The following DPYD variants were observed in gnomAD, a reference collection of about 807,000 sequenced individuals.
DPYD encodes the protein dihydropyrimidine dehydrogenase [NADP(+)].
In DPYD, 109 loss-of-function variants were observed where a neutral mutation model predicts 116.2. The observed-to-expected ratio is 0.94, with a 90% confidence interval of 0.80 to 1.10. The LOEUF (loss-of-function observed/expected upper bound fraction) is 1.10, where lower values mean the gene tolerates loss of function less well. DPYD is among the 50% of genes least tolerant of loss of function. The pLI, the probability that DPYD is intolerant of heterozygous loss-of-function variation, is 0.00. For synonymous variants in DPYD, 440 were observed against 432.0 expected, an observed-to-expected ratio of 1.02 and a Z score of -0.23; for missense variants, 1,302 against 1,254.5, an observed-to-expected ratio of 1.04 and a Z score of -0.57.
intron 1 of DPYD, among the ~76,000 whole-genome samples, chr1:97,904,851 T>C (rs1673528310): frequency 6.6e-6 from 1 of 151,990 alleles, no homozygotes; most frequent in Non-Finnish European, 1.5e-5. Flanking sequence ...CTGAAAGTTA[T>C]TACTCCCTTA....
chr1:97,487,215 A>G (rs1302882389), intron 13 of DPYD, among the ~76,000 whole-genome samples: 1 of 152,198 alleles, frequency 6.6e-6, no homozygotes, highest in African/African-American at 2.4e-5. Context: ...GGAAACAAAG[A>G]CAAAGAAATA....
At chr1:97,764,932 TTAAG>T (rs1273522044) in intron 3 of DPYD, among the ~76,000 whole-genome samples, 4 of 152,302 alleles carry the variant, frequency 2.6e-5, no homozygotes, top group South Asian at 2.1e-4. Context: ...ATGTTATAGT[TTAAG>T]TATACTTTGA....
At chr1:97,815,083 AAGAAAAGAGAAGAGAAG>A (rs140717286) in intron 3 of DPYD, among the ~76,000 whole-genome samples, 113,537 of 149,578 alleles carry the variant, frequency 0.76, 43,359 homozygotes, top group East Asian at 0.92. Context: ...AAAGAGAAGA[AAGAAAAGAGAAGAGAAG>A]AGAAAAGAGA....
chr1:97,861,535 A>G (rs954141346), intron 2 of DPYD, among the ~76,000 whole-genome samples: 2 of 152,006 alleles, frequency 1.3e-5, no homozygotes, highest in African/African-American at 2.4e-5. Context: ...TAAAAATTAT[A>G]TAATTTGTTA....
At chr1:97,376,301 CAT>C (rs1307911912) in intron 15 of DPYD, among the ~76,000 whole-genome samples, 1 of 152,148 alleles carries the variant, frequency 6.6e-6, no homozygotes, top group Non-Finnish European at 1.5e-5. Context: ...TTACGAAAAA[CAT>C]AACAGCTCAA....
chr1:97,334,108 T>C (rs940451413), intron 16 of DPYD, among the ~76,000 whole-genome samples: 1 of 152,172 alleles, frequency 6.6e-6, no homozygotes, highest in African/African-American at 2.4e-5. Flanking sequence ...TTATATATTA[T>C]AATGATACTT....
chr1:97,139,638 A>C (rs970125235), intron 20 of DPYD, among the ~76,000 whole-genome samples: 3 of 152,122 alleles, frequency 2.0e-5, no homozygotes, highest in Admixed American at 6.5e-5. Flanking sequence ...AAGATTTTTT[A>C]TGTTTACGAA....
chr1:97,691,798 A>T lies in DPYD; in HGVS notation c.681T>A (p.Ser227Arg). The T allele has an allele frequency of 6.2e-6, 10 of 1,613,392 alleles. No homozygotes were observed. The highest frequency in any genetic ancestry group is 8.5e-6 in the Non-Finnish European group (10 of 1,179,448). ...FEKQEYVGGL[S>R]TSEIPQFRLP... is the part of the protein sequence containing the mutation. ...GCCGGAACTGAGGAATTTCAGAAGTACTGAAAAGAAAGGAGAAAGAAAAAC... is the reference window on the plus strand; with the variant it reads ...GCCGGAACTGAGGAATTTCAGAAGTTCTGAAAAGAAAGGAGAAAGAAAAAC... The change falls in exon 7 of 23, where the codon AGT becomes AGA. Residue 227 changes from serine (S) to arginine (R), a missense_variant and splice_region_variant. Ser to Arg is a moderately radical substitution (Grantham distance 110). Coordinates refer to ENST00000370192, the MANE Select transcript of DPYD (RefSeq NM_000110.4).
At chr1:97,285,563 T>C (rs1156783752) in intron 18 of DPYD, among the ~76,000 whole-genome samples, 1 of 152,220 alleles carries the variant, frequency 6.6e-6, no homozygotes, top group East Asian at 1.9e-4. Context: ...GGACTACTAC[T>C]GCTGAATCCC....
intron 16 of DPYD, among the ~76,000 whole-genome samples, chr1:97,371,110 G>A (rs80294702): frequency 4.0e-5 from 6 of 151,864 alleles, no homozygotes; most frequent in African/African-American, 1.2e-4. Flanking sequence ...TCTATATAAT[G>A]TTGATTACAC....
chr1:97,361,317 C>T (rs1238040069), intron 16 of DPYD, among the ~76,000 whole-genome samples: 2 of 152,034 alleles, frequency 1.3e-5, no homozygotes, highest in African/African-American at 2.4e-5. Flanking sequence ...AATTAATAGC[C>T]TACCAACCAA....
intron 20 of DPYD, among the ~76,000 whole-genome samples, chr1:97,111,442 C>G (rs983130282): frequency 6.6e-6 from 1 of 151,918 alleles, no homozygotes; most frequent in African/African-American, 2.4e-5. Flanking sequence ...CTATTCTTGA[C>G]AAGTCTTATA....
chr1:97,261,514 TTTA>T (rs768253695), intron 18 of DPYD, among the ~76,000 whole-genome samples: 28,108 of 114,330 alleles, frequency 0.25, 2,882 homozygotes, highest in Middle Eastern at 0.29. Flanking sequence ...TTTTTTTTTT[TTTA>T]AAAAAGAACG....
intron 18 of DPYD, among the ~76,000 whole-genome samples, chr1:97,254,606 T>TA (rs529071264): frequency 1.0e-3 from 154 of 152,286 alleles, no homozygotes; most frequent in Non-Finnish European, 1.8e-3. Context: ...CCAAAGGGTG[T>TA]AAAATCCAGA....
intron 8 of DPYD, among the ~76,000 whole-genome samples, chr1:97,668,056 A>G (rs1469595200): frequency 6.6e-6 from 1 of 152,148 alleles, no homozygotes; most frequent in Non-Finnish European, 1.5e-5. Context: ...GTTTTGCAAG[A>G]TGAAAAGAGT....
intron 20 of DPYD, among the ~76,000 whole-genome samples, chr1:97,109,047 C>T (rs1206112064): frequency 6.6e-6 from 1 of 152,134 alleles, no homozygotes; most frequent in Non-Finnish European, 1.5e-5. Context: ...CACTTGCCCT[C>T]TGTAAGCCTC....
At chr1:97,234,805 T>G in intron 19 of DPYD, 47 bp downstream of exon 19, 1 of 1,611,070 alleles carries the variant, frequency 6.2e-7, no homozygotes, top group Non-Finnish European at 8.5e-7. Flanking sequence ...TACATTGCAT[T>G]TGTGAGATGG....
intron 16 of DPYD, among the ~76,000 whole-genome samples, chr1:97,339,287 A>G (rs1346639089): frequency 6.6e-6 from 1 of 152,170 alleles, no homozygotes; most frequent in Non-Finnish European, 1.5e-5. Context: ...ATTCTGTTGA[A>G]GAAAGGCTTG....
chr1:97,126,695 G>C (rs756226549), intron 20 of DPYD, among the ~76,000 whole-genome samples: 1 of 152,052 alleles, frequency 6.6e-6, no homozygotes, highest in Non-Finnish European at 1.5e-5. Flanking sequence ...ACAGAATCTT[G>C]TAATATTAAT....
Sources: gnomAD v4.1 joint callset for allele counts (sites outside exome capture counted in the v4.1 genomes callset) on GRCh38, gnomAD v4.1.1 for gene constraint, MANE v1.5 for transcripts, NCBI Gene and HGNC (gene_info 2026-07-23, HGNC 2026-07-21) for gene names.